AKAP13: variants seen among roughly 807,000 people sequenced by gnomAD.
AKAP13 encodes the protein A-kinase anchoring protein 13.
AKAP13 carries 80 observed loss-of-function variants against 264.5 expected under a neutral mutation model. The ratio of observed to expected loss-of-function variants is 0.30; its 90% CI spans 0.25 to 0.36. The LOEUF (loss-of-function observed/expected upper bound fraction) is 0.36, where lower values mean the gene tolerates loss of function less well. Ranked by LOEUF, AKAP13 falls within the 10% of genes least tolerant of loss-of-function variation. The pLI is 1.00. For synonymous variants in AKAP13, 1,380 were observed against 1,250.2 expected, an observed-to-expected ratio of 1.10 and a Z score of -2.19; for missense variants, 3,712 against 3,435.2, an observed-to-expected ratio of 1.08 and a Z score of -2.01.
rs1164304281 is a variant in AKAP13, at chr15:85,718,033, C to A, written c.5875C>A (p.Gln1959Lys). 1 of 1,614,030 alleles carries A rather than the reference C, an allele frequency of 6.2e-7. No homozygotes were observed. Among genetic ancestry groups the A allele is most frequent in the Non-Finnish European group, 8.5e-7 (1 of 1,179,976 alleles). ...AGTAGGTACAGACATGAATGAAGGA[C>A]AACTACTGGGAGACTTTGAGATTGA... Reference protein sequence around the residue: ...EGVGTDMNEGQLLGDFEIESK... With the variant: ...EGVGTDMNEGKLLGDFEIESK... The change falls in exon 22 of 37, where the codon CAA (glutamine) becomes AAA (lysine). Residue 1959 changes from glutamine to lysine, a missense_variant. Around this residue, in one of 3 missense-constraint regions of AKAP13, gnomAD observed 2,759 missense variants for 2,411.7 expected, o/e 1.14. Coordinates refer to ENST00000394518, the MANE Select transcript of AKAP13 (RefSeq NM_007200.5). The surrounding 1 kb of genome is among the most constrained non-coding windows in gnomAD (Gnocchi z 4.9).
chr15:85,428,551 C>T (rs1487007976), intron 1 of AKAP13, among the ~76,000 whole-genome samples: 2 of 152,214 alleles, frequency 1.3e-5, no homozygotes, highest in Non-Finnish European at 2.9e-5. Context: ...GACTTCTTGC[C>T]AAGTTTGGCC....
chr15:85,652,975 T>C (rs1363142280), intron 10 of AKAP13, among the ~76,000 whole-genome samples: 2 of 152,060 alleles, frequency 1.3e-5, no homozygotes, highest in Non-Finnish European at 2.9e-5. Flanking sequence ...CCAAATAAGC[T>C]CACATTCTGA....
chr15:85,610,036 C>G (rs1446723264), intron 8 of AKAP13, among the ~76,000 whole-genome samples: 1 of 152,072 alleles, frequency 6.6e-6, no homozygotes, highest in Non-Finnish European at 1.5e-5. Flanking sequence ...ATTTGTATAT[C>G]TCTCATAACA....
chr15:85,421,637 TTCTC>T (rs1181299031), intron 1 of AKAP13, among the ~76,000 whole-genome samples: 5 of 152,366 alleles, frequency 3.3e-5, no homozygotes, highest in African/African-American at 7.2e-5. Flanking sequence ...TTCTTTGCCC[TTCTC>T]TCTAATATTC....
intron 15 of AKAP13, 186 bp from the exon 16 acceptor site, chr15:85,684,555 A>G: frequency 1.7e-6 from 1 of 585,600 alleles, no homozygotes; most frequent in Non-Finnish European, 2.9e-6. Flanking sequence ...AAAACAGACA[A>G]GTGAACAAGA....
chr15:85,553,722 T>C (rs1596508344), intron 5 of AKAP13, among the ~76,000 whole-genome samples: 1 of 152,358 alleles, frequency 6.6e-6, no homozygotes, highest in African/African-American at 2.4e-5. Flanking sequence ...TACTGGTCCA[T>C]GGACTGTTAG....
intron 2 of AKAP13, among the ~76,000 whole-genome samples, chr15:85,509,604 G>C (rs549790468): frequency 6.6e-6 from 1 of 152,100 alleles, no homozygotes; most frequent in Non-Finnish European, 1.5e-5. Flanking sequence ...TTATGAATTT[G>C]TCTTTCATTT....
chr15:85,719,348 G>C (rs753729679), intron 23 of AKAP13, 22 bp downstream of exon 23: 1 of 1,612,964 alleles, frequency 6.2e-7, no homozygotes, highest in Admixed American at 1.7e-5. Context: ...AAGGATCTCA[G>C]GTTCTTACAT....
chr15:85,683,259 A>C (rs984529891), intron 15 of AKAP13, among the ~76,000 whole-genome samples: 1 of 152,188 alleles, frequency 6.6e-6, no homozygotes, highest in African/African-American at 2.4e-5. Context: ...TTTTGTAAAC[A>C]ATGCATATAT....
intron 4 of AKAP13, chr15:85,535,884 C>G (rs35343117): frequency 0.24 from 36,380 of 151,344 alleles, 5,798 homozygotes; most frequent in Middle Eastern, 0.41. Context: ...ACTGCAACCT[C>G]CATCTCCTGG....
At chr15:85,506,218 A>G (rs1455816746) in intron 2 of AKAP13, among the ~76,000 whole-genome samples, 1 of 152,172 alleles carries the variant, frequency 6.6e-6, no homozygotes, top group Admixed American at 6.5e-5. Context: ...CATGAAGTGG[A>G]GGTTGCAGTG....
intron 1 of AKAP13, among the ~76,000 whole-genome samples, chr15:85,469,386 G>C (rs1265622888): frequency 1.3e-5 from 2 of 152,052 alleles, no homozygotes; most frequent in East Asian, 3.9e-4. Flanking sequence ...ATTACTATTG[G>C]GTGTTCCTGT....
intron 7 of AKAP13, among the ~76,000 whole-genome samples, chr15:85,584,432 C>T (rs74025625): frequency 0.018 from 2,681 of 152,146 alleles, 83 homozygotes; most frequent in African/African-American, 0.062. Context: ...ATCACATCCC[C>T]AGAGGAAAGC....
intron 2 of AKAP13, among the ~76,000 whole-genome samples, chr15:85,518,472 T>G (rs1355567997): frequency 6.6e-6 from 1 of 152,212 alleles, no homozygotes; most frequent in Non-Finnish European, 1.5e-5. Flanking sequence ...TGTTCTCTTC[T>G]CTTGAATATT....
chr15:85,544,251 G>A (rs2077660937), intron 5 of AKAP13: 1 of 495,090 alleles, frequency 2.0e-6, no homozygotes, highest in African/African-American at 1.9e-5. Flanking sequence ...CCTTGTCTGT[G>A]GAGGTAGCAT....
At chr15:85,608,508 A>C (rs1414631616) in intron 8 of AKAP13, among the ~76,000 whole-genome samples, 1 of 152,220 alleles carries the variant, frequency 6.6e-6, no homozygotes, top group Admixed American at 6.5e-5. Flanking sequence ...ATGCAGTAGC[A>C]ATGAACAACA....
Position 85,504,503 on chromosome 15 carries a change from CAAAAAAAAAAAAAAAAAAA to C in AKAP13, c.34-16911_34-16893del, listed in dbSNP as rs566579814. On this transcript the variant is annotated intron_variant, in intron 2 of 36. Transcript: ENST00000394518. ...GCGATGTGGTGAGACCCTGTCTTTA[CAAAAAAAAAAAAAAAAAAA>C]AAAAAAAAAAAAAGAAAAAATTAGC... Among the ~76,000 whole-genome samples, 14 of 91,046 alleles carry C rather than the reference CAAAAAAAAAAAAAAAAAAA, an allele frequency of 1.5e-4. No individual in the cohort carries two copies. The South Asian group carries it at 4.4e-3, about 28-fold the overall frequency. 59.7% of individuals were successfully genotyped at this position (91,046 alleles called of 152,430 possible).
chr15:85,421,138 C>T (rs549996710), intron 1 of AKAP13, among the ~76,000 whole-genome samples: 18 of 152,282 alleles, frequency 1.2e-4, no homozygotes, highest in African/African-American at 4.3e-4. Context: ...TCAGAGAAAA[C>T]AAGCAACTAT....
chr15:85,730,391 G>T (rs1029083801), intron 29 of AKAP13, 122 bp from the exon 30 acceptor site: 1 of 923,156 alleles, frequency 1.1e-6, no homozygotes, highest in African/African-American at 1.6e-5. Context: ...GGCAGTGTGG[G>T]TGGGGAGGGT....
Sources: gnomAD v4.1 joint callset for allele counts (sites outside exome capture counted in the v4.1 genomes callset) on GRCh38, gnomAD v4.1.1 for gene constraint, gnomAD v4.1.1 regional missense constraint, Gnocchi (gnomAD v3.1) non-coding constraint, MANE v1.5 for transcripts, NCBI Gene and HGNC (gene_info 2026-07-23, HGNC 2026-07-21) for gene names.